The following CFAP54 variants were observed in gnomAD, a reference collection of about 807,000 sequenced individuals.
CFAP54 encodes the protein cilia and flagella associated protein 54.
Under a neutral mutation model 370.4 loss-of-function variants are expected in CFAP54, and 290 were observed. That is an observed-to-expected ratio of 0.78 (90% CI 0.71 to 0.86). The LOEUF (loss-of-function observed/expected upper bound fraction) is 0.86, where lower values mean the gene tolerates loss of function less well. Ranked by LOEUF, CFAP54 falls within the 40% of genes least tolerant of loss-of-function variation. CFAP54 has a pLI of 0.00. For missense variants in CFAP54, 3,399 were observed against 3,528.7 expected, an observed-to-expected ratio of 0.96 and a Z score of 0.93; for synonymous variants, 1,206 against 1,236.5, an observed-to-expected ratio of 0.98 and a Z score of 0.52.
chr12:96,782,783 A>T (rs1183039648), intron 60 of CFAP54, among the ~76,000 whole-genome samples: 2 of 152,172 alleles, frequency 1.3e-5, no homozygotes, highest in East Asian at 3.8e-4. Context: ...AAAGATACCT[A>T]AAAAAGAACA....
At chr12:96,494,342 C>A (rs1290604520) in intron 1 of CFAP54, among the ~76,000 whole-genome samples, 1 of 151,806 alleles carries the variant, frequency 6.6e-6, no homozygotes, top group East Asian at 1.9e-4. Flanking sequence ...ACTCTGTCAA[C>A]AAGGCTGGAA....
chr12:96,721,268 A>G (rs980520634), intron 50 of CFAP54, among the ~76,000 whole-genome samples: 1 of 152,236 alleles, frequency 6.6e-6, no homozygotes, highest in Non-Finnish European at 1.5e-5. Flanking sequence ...TCTGCATCAT[A>G]TTGCACTGAA....
chr12:96,862,163 T>A (rs1009413206), intron 67 of CFAP54, among the ~76,000 whole-genome samples: 2 of 152,114 alleles, frequency 1.3e-5, no homozygotes, highest in East Asian at 3.9e-4. Flanking sequence ...TTCTAAAGTC[T>A]GGGAAAAGCG....
intron 44 of CFAP54, 92 bp downstream of exon 44, chr12:96,691,402 T>A: frequency 1.2e-6 from 1 of 860,282 alleles, no homozygotes; most frequent in Non-Finnish European, 1.7e-6. Flanking sequence ...GTTCTTTTGG[T>A]CAGTTACTGT....
intron 60 of CFAP54, among the ~76,000 whole-genome samples, chr12:96,779,714 G>A (rs1958562945): frequency 2.0e-5 from 3 of 149,034 alleles, no homozygotes; most frequent in Admixed American, 1.3e-4. Context: ...ATCAAGTACA[G>A]GGCCTTATAA....
chr12:96,572,457 T>C (rs151262090), intron 19 of CFAP54, among the ~76,000 whole-genome samples: 226 of 152,006 alleles, frequency 1.5e-3, no homozygotes, highest in African/African-American at 5.2e-3. Context: ...TTTTATGGTT[T>C]CAGAGGTTAG....
intron 26 of CFAP54, among the ~76,000 whole-genome samples, chr12:96,604,254 C>A (rs1956276876): frequency 6.6e-6 from 1 of 152,152 alleles, no homozygotes; most frequent in African/African-American, 2.4e-5. Context: ...CACTCCAGAC[C>A]CTGTTTGCCT....
intron 60 of CFAP54, among the ~76,000 whole-genome samples, chr12:96,771,544 CGG>C (rs1245080260): frequency 2.6e-5 from 4 of 152,062 alleles, no homozygotes; most frequent in African/African-American, 9.7e-5. Flanking sequence ...CCCAGCTACT[CGG>C]GAGGCTGAGG....
At chr12:96,819,817 A>G (rs1959011703) in intron 65 of CFAP54, among the ~76,000 whole-genome samples, 1 of 152,108 alleles carries the variant, frequency 6.6e-6, no homozygotes, top group Non-Finnish European at 1.5e-5. Context: ...AATGTCTCAA[A>G]CGCATTTTCC....
chr12:96,704,648 G>T (rs1592717129), intron 46 of CFAP54, 95 bp from the exon 47 acceptor site: 1 of 433,620 alleles, frequency 2.3e-6, no homozygotes, highest in East Asian at 5.0e-5. Flanking sequence ...CAATAAAAAT[G>T]ATAATTAAAA....
chr12:96,737,689 C>T (rs144462718), intron 50 of CFAP54, among the ~76,000 whole-genome samples: 2,328 of 151,986 alleles, frequency 0.015, 74 homozygotes, highest in African/African-American at 0.053. Context: ...GGGGTTTCAC[C>T]GTGTTGACCA....
chr12:96,815,287 G>T lies in CFAP54; in HGVS notation c.8958-2488G>T, dbSNP rs186780921. On this transcript the variant is annotated intron_variant, in intron 64 of 67. Coordinates refer to ENST00000524981, the MANE Select transcript of CFAP54 (RefSeq NM_001306084.2). The stretch of plus-strand genomic sequence containing the variant: ...TGGTATCTCACTGTGGTTTTGATTT[G>T]CATTTCTCTAATGACCAGTGATGAT... Among the ~76,000 whole-genome samples the T allele has an allele frequency of 6.6e-4, 101 of 152,230 alleles. No homozygotes were observed. The East Asian group carries it at 0.017, about 26-fold the overall frequency.
intron 25 of CFAP54, 47 bp downstream of exon 25, chr12:96,594,493 A>G (rs1956156849): frequency 7.4e-7 from 1 of 1,350,022 alleles, no homozygotes; most frequent in Admixed American, 2.4e-5. Flanking sequence ...TATAAAGGCA[A>G]CTTAACAATT....
intron 40 of CFAP54, 134 bp downstream of exon 40, chr12:96,679,886 T>G: frequency 1.2e-6 from 1 of 833,986 alleles, no homozygotes; most frequent in Non-Finnish European, 1.9e-6. Context: ...ACTTTCCTCT[T>G]GTCCAGTGGA....
chr12:96,824,344 T>C (rs1353538166), intron 65 of CFAP54, among the ~76,000 whole-genome samples: 1 of 152,234 alleles, frequency 6.6e-6, no homozygotes, highest in East Asian at 1.9e-4. Flanking sequence ...GTTTGAAAAA[T>C]GTTGAGCTGA....
At chr12:96,792,898 A>C (rs1305481629) in intron 63 of CFAP54, among the ~76,000 whole-genome samples, 1 of 151,900 alleles carries the variant, frequency 6.6e-6, no homozygotes, top group East Asian at 1.9e-4. Flanking sequence ...TGATTTTATA[A>C]TGTTAGATCA....
intron 12 of CFAP54, among the ~76,000 whole-genome samples, chr12:96,537,495 C>G (rs1315994740): frequency 6.6e-6 from 1 of 152,080 alleles, no homozygotes; most frequent in Non-Finnish European, 1.5e-5. Flanking sequence ...GCACACGACA[C>G]CATGCCCAGC....
chr12:96,635,013 A>T (rs1956648606), intron 32 of CFAP54, among the ~76,000 whole-genome samples: 1 of 152,202 alleles, frequency 6.6e-6, no homozygotes, highest in Non-Finnish European at 1.5e-5. Context: ...AAAATCAAGT[A>T]GAGTGATTCT....
chr12:96,621,599 T>C lies in CFAP54; in HGVS notation c.3649T>C (p.Ser1217Pro). 6.8e-7 allele frequency: 1 copy of C among 1,473,110 alleles called. No individual in the cohort carries two copies. The highest frequency in any genetic ancestry group is 2.1e-5 in the Admixed American group (1 of 48,274). The allele number at this position is 1,473,110 out of a possible 1,614,324, so 91.3% of individuals were successfully genotyped here. A position where few individuals can be genotyped will look rare whatever the true frequency, so the allele number is the denominator to read the frequency against. Residue 1217 changes from serine (S) to proline (P), a missense_variant, in exon 27 of 68, where the codon TCA (serine) becomes CCA (proline). Ser to Pro is a moderately conservative substitution (Grantham distance 74). Transcript: ENST00000524981. ...AAATATTTTAAATTAGATTCTTCGT[T>C]CATGGAGGGAATATGACCTGGCAGT... ...CIFYITKILR[S>P]WREYDLAVMI...
Sources: allele counts gnomAD v4.1 joint callset (sites outside exome capture counted in the v4.1 genomes callset), GRCh38; gene constraint gnomAD v4.1.1; transcripts MANE v1.5; gene names NCBI Gene and HGNC (gene_info 2026-07-23, HGNC 2026-07-21).